Variants in C11orf65 observed in about 807,000 individuals in gnomAD.
The protein encoded by C11orf65 is chromosome 11 open reading frame 65, also known as protein MFI.
A neutral mutation model predicts 35.3 loss-of-function variants in C11orf65; 38 were observed. The ratio of observed to expected loss-of-function variants is 1.08; its 90% confidence interval spans 0.83 to 1.41. The LOEUF (loss-of-function observed/expected upper bound fraction) is 1.41. C11orf65 is among the 40% of genes most tolerant of loss of function. C11orf65 has a pLI of 0.00. For missense variants in C11orf65, 370 were observed against 367.1 expected (o/e 1.01, Z -0.06); for synonymous variants, 105 against 114.4 (o/e 0.92, Z 0.53).
intron 2 of C11orf65, among the ~76,000 whole-genome samples, chr11:108,338,070 C>T (rs2087051180): frequency 6.6e-6 from 1 of 152,230 alleles, no homozygotes; most frequent in South Asian, 2.1e-4. Flanking sequence ...GATTTCTAGC[C>T]GGGCATGGTG....
chr11:108,389,724 G>A (rs2092101415), intron 7 of C11orf65, among the ~76,000 whole-genome samples: 1 of 152,098 alleles, frequency 6.6e-6, no homozygotes, highest in African/African-American at 2.4e-5. Context: ...CTGTCACCCA[G>A]GCTTGAGTGC....
Position 108,345,799 on chromosome 11 carries a change from A to G in C11orf65, c.227-10507T>C, listed in dbSNP as rs769656947. The G allele has an allele frequency of 3.1e-6, 5 of 1,613,898 alleles. No individual in the cohort carries two copies. The highest frequency in any genetic ancestry group is 4.2e-6 in the Non-Finnish European group (5 of 1,179,856). Reference sequence around the variant, plus strand: ...ATGAAGTCTTCATGGATGTTTGCCAAAATTTTCAACCAGTTTTCCGTTACT... The same window carrying G: ...ATGAAGTCTTCATGGATGTTTGCCAGAATTTTCAACCAGTTTTCCGTTACT... On this transcript the variant is annotated intron_variant, in intron 2 of 3. Coordinates refer to the C11orf65 transcript ENST00000524755.
chr11:108,398,730 T>C (rs1460352854), intron 6 of C11orf65, among the ~76,000 whole-genome samples: 26 of 152,218 alleles, frequency 1.7e-4, no homozygotes, highest in Non-Finnish European at 4.4e-5. Context: ...AATTTTGTTG[T>C]TCTCAGCCTG....
intron 6 of C11orf65, among the ~76,000 whole-genome samples, chr11:108,400,897 G>T (rs1010690351): frequency 1.3e-5 from 2 of 152,024 alleles, no homozygotes; most frequent in African/African-American, 2.4e-5. Flanking sequence ...ACAAGGTCAG[G>T]AGTTCAAGAC....
At chr11:108,335,468 G>T (rs2086737552) in intron 2 of C11orf65, among the ~76,000 whole-genome samples, 1 of 152,126 alleles carries the variant, frequency 6.6e-6, no homozygotes, top group Admixed American at 6.5e-5. Flanking sequence ...CTCGTACTGT[G>T]CCAAGTGCTA....
chr11:108,372,891 T>C (rs1273251280), intron 2 of C11orf65, among the ~76,000 whole-genome samples: 1 of 151,954 alleles, frequency 6.6e-6, no homozygotes, highest in African/African-American at 2.4e-5. Flanking sequence ...CTGGCCAATA[T>C]GGTGAAACCC....
intron 2 of C11orf65, among the ~76,000 whole-genome samples, chr11:108,352,727 A>G (rs561887656): frequency 6.6e-6 from 1 of 152,372 alleles, no homozygotes; most frequent in Admixed American, 6.5e-5. Context: ...CTACTCAGCA[A>G]TGAAAAGAAA....
chr11:108,343,450 G>C (rs2136961459), intron 2 of C11orf65: 1 of 1,551,362 alleles, frequency 6.4e-7, no homozygotes, highest in East Asian at 2.3e-5. Flanking sequence ...AGATATTATA[G>C]AATACAAAAA....
intron 2 of C11orf65, among the ~76,000 whole-genome samples, chr11:108,354,076 C>CACA (rs1555143106): frequency 6.7e-6 from 1 of 148,310 alleles, no homozygotes; most frequent in Non-Finnish European, 1.5e-5. Context: ...CACAAACACA[C>CACA]ACACACACAC....
At chr11:108,407,058 G>T (rs1591485115) in intron 4 of C11orf65, 38 bp downstream of exon 4, 2 of 1,580,612 alleles carry the variant, frequency 1.3e-6, no homozygotes, top group Non-Finnish European at 1.7e-6. Flanking sequence ...ATAAAAATGT[G>T]CTTTATAACT....
rs879253877 is a variant in C11orf65, at chr11:108,343,313, C to T, written c.227-8021G>A. ...TTTCTTGTTAACAATGAAGATGGTGCTCATAAAAGATACAGGCCAAATGAT... is the reference window on the plus strand; with the variant it reads ...TTTCTTGTTAACAATGAAGATGGTGTTCATAAAAGATACAGGCCAAATGAT... On this transcript the variant is annotated intron_variant, in intron 2 of 3. Coordinates refer to the C11orf65 transcript ENST00000524755. 2 of 1,613,936 alleles carry T rather than the reference C, an allele frequency of 1.2e-6. No individual in the cohort carries two copies. Among genetic ancestry groups the T allele is most frequent in the Non-Finnish European group, 1.7e-6 (2 of 1,179,916 alleles).
downstream of C11orf65, chr11:108,329,009 G>C: frequency 6.2e-7 from 1 of 1,609,494 alleles, no homozygotes; most frequent in Non-Finnish European, 8.5e-7. Flanking sequence ...AATTGGTTGT[G>C]TTTTCTTGAA....
At chr11:108,393,486 T>A (rs146916657) in intron 6 of C11orf65, 108 bp from the exon 7 acceptor site, 1 of 1,037,634 alleles carries the variant, frequency 9.6e-7, no homozygotes, top group Admixed American at 2.3e-5. Flanking sequence ...TATTTGCATA[T>A]TGAATAAAGT....
At position 108,317,652 on chromosome 11, in the gene C11orf65, T is replaced by TATATATATACACACACACAC. The variant is rs1399501257; in HGVS notation, c.641-8582_641-8581insGTGTGTGTGTGTATATATAT. 11 of 118,370 alleles carry TATATATATACACACACACAC rather than the reference T, an allele frequency of 9.3e-5. No homozygotes were observed. The South Asian group carries it at 1.2e-3, about 12-fold the overall frequency. The allele number at this position is 118,370 out of a possible 1,614,324, so 7.3% of individuals were successfully genotyped here. ...ATATATATATATATATATATATATA[T>TATATATATACACACACACAC]ACACACACACACACACACACACTAT... On this transcript the variant is annotated intron_variant, in intron 6 of 6. Transcript: ENST00000525729.
intron 2 of C11orf65, among the ~76,000 whole-genome samples, chr11:108,346,322 T>G (rs172896): frequency 0.54 from 81,668 of 151,686 alleles, 22,555 homozygotes; most frequent in Middle Eastern, 0.74. Context: ...GATTAATACT[T>G]TTTAATAGAA....
chr11:108,395,714 G>A (rs1379154541), intron 6 of C11orf65, among the ~76,000 whole-genome samples: 5 of 147,274 alleles, frequency 3.4e-5, no homozygotes, highest in South Asian at 2.1e-4. Flanking sequence ...TCCGCCTCCC[G>A]GGTTCACGCC....
chr11:108,466,376 C>T (rs1263166736), intron 1 of C11orf65, among the ~76,000 whole-genome samples: 1 of 152,108 alleles, frequency 6.6e-6, no homozygotes, highest in Non-Finnish European at 1.5e-5. Context: ...GGGTTTGAGA[C>T]CAGCCTGGCC....
intron 6 of C11orf65, among the ~76,000 whole-genome samples, chr11:108,311,383 CTG>C (rs2084143400): frequency 6.6e-6 from 1 of 152,106 alleles, no homozygotes; most frequent in Non-Finnish European, 1.5e-5. Context: ...CAAAGTATAA[CTG>C]TTCCTAGTTT....
chr11:108,460,713 TAA>T (rs965078380), intron 2 of C11orf65, among the ~76,000 whole-genome samples: 4 of 151,294 alleles, frequency 2.6e-5, no homozygotes, highest in African/African-American at 9.8e-5. Flanking sequence ...TTTGAAATGT[TAA>T]AAAAGTCTGC....
Sources: allele counts gnomAD v4.1 joint callset (sites outside exome capture counted in the v4.1 genomes callset), GRCh38; gene constraint gnomAD v4.1.1; transcripts MANE v1.5; gene names NCBI Gene and HGNC (gene_info 2026-07-23, HGNC 2026-07-21).